The following BCL2L13 variants were observed in gnomAD, a reference collection of about 807,000 sequenced individuals.
BCL2L13 encodes the protein bcl-2-like protein 13.
Under a neutral mutation model 25.8 loss-of-function variants are expected in BCL2L13, and 13 were observed. That is an observed-to-expected ratio of 0.50 (90% CI 0.33 to 0.80). The LOEUF (loss-of-function observed/expected upper bound fraction) is 0.80, where lower values mean the gene tolerates loss of function less well. BCL2L13 is among the 30% of genes least tolerant of loss of function. The probability of loss-of-function intolerance (pLI) is 0.02; values close to 1 mark genes in which losing one functional copy is unlikely to be tolerated. For missense variants in BCL2L13, 504 were observed against 574.9 expected (o/e 0.88, Z 1.26); for synonymous variants, 244 against 230.3 (o/e 1.06, Z -0.54).
chr22:17,680,713 G>A (rs779897415), intron 2 of BCL2L13, among the ~76,000 whole-genome samples: 19 of 151,824 alleles, frequency 1.3e-4, no homozygotes, highest in Non-Finnish European at 2.2e-4. Flanking sequence ...GTGCAGACAC[G>A]GTAAGGAATC....
At chr22:17,658,799 C>T (rs906419415) in intron 2 of BCL2L13, among the ~76,000 whole-genome samples, 4 of 151,782 alleles carry the variant, frequency 2.6e-5, no homozygotes, top group African/African-American at 9.7e-5. Flanking sequence ...TGGCTCACAC[C>T]TGTAATCCCA....
intron 2 of BCL2L13, among the ~76,000 whole-genome samples, chr22:17,671,565 C>A (rs1470597901): frequency 1.4e-5 from 2 of 141,226 alleles, no homozygotes; most frequent in Non-Finnish European, 1.5e-5. Flanking sequence ...GGCTACATCT[C>A]AAAAAAAAAA....
At chr22:17,638,650 G>C (rs2146364256), upstream of BCL2L13, 1 of 1,229,480 alleles carries the variant, frequency 8.1e-7, no homozygotes, top group East Asian at 3.2e-5. Flanking sequence ...AGAGACCTCC[G>C]GGGCCTCCGT....
At chr22:17,693,482 C>A (rs1360717043) in intron 4 of BCL2L13, among the ~76,000 whole-genome samples, 1 of 146,786 alleles carries the variant, frequency 6.8e-6, no homozygotes, top group Non-Finnish European at 1.5e-5. Context: ...CGGGTTCAAG[C>A]AATTCTCCAG....
At chr22:17,705,747 G>A (rs979737560) in intron 6 of BCL2L13, among the ~76,000 whole-genome samples, 5 of 151,924 alleles carry the variant, frequency 3.3e-5, no homozygotes, top group South Asian at 4.2e-4. Context: ...ACATGATATC[G>A]CATGTCTGTT....
At chr22:17,669,740 A>G (rs1193778551) in intron 2 of BCL2L13, among the ~76,000 whole-genome samples, 1 of 152,174 alleles carries the variant, frequency 6.6e-6, no homozygotes, top group Non-Finnish European at 1.5e-5. Context: ...GAGTTATGTG[A>G]GTGGAACCAG....
In BCL2L13 at chr22:17,721,525, A is replaced by AT. The variant is rs3044620; in HGVS notation, c.601-5134dup. On this transcript the variant is annotated intron_variant, in intron 6 of 6. Transcript: ENST00000317582. Reference sequence around the variant, plus strand: ...TTTTAAGTCATGACACTTATAAGAAATTTTTTTTTTTTTTTTTTGAGACGT... The same window carrying AT: ...TTTTAAGTCATGACACTTATAAGAAATTTTTTTTTTTTTTTTTTTGAGACGT... 8.9e-4 allele frequency among the ~76,000 whole-genome samples: 109 copies of AT among 122,772 alleles called. 4 individuals are homozygous for AT. The highest frequency in any genetic ancestry group is 1.7e-3 in the South Asian group (7 of 4,188). The allele number at this position is 122,772 out of a possible 152,430, so 80.5% of individuals were successfully genotyped here. A position where few individuals can be genotyped will look rare whatever the true frequency, so the allele number is the denominator to read the frequency against.
intron 6 of BCL2L13, among the ~76,000 whole-genome samples, chr22:17,705,968 T>C (rs539716719): frequency 1.3e-4 from 20 of 152,264 alleles, no homozygotes; most frequent in African/African-American, 2.9e-4. Flanking sequence ...TTTGGACATA[T>C]AGATTTGAAG....
At chr22:17,715,163 TA>T in intron 6 of BCL2L13, among the ~76,000 whole-genome samples, 1 of 5,508 alleles carries the variant, frequency 1.8e-4, no homozygotes, top group Non-Finnish European at 3.0e-4. Context: ...TATATATATA[TA>T]TATATATTTT....
intron 4 of BCL2L13, among the ~76,000 whole-genome samples, chr22:17,691,865 T>C (rs1040057714): frequency 6.8e-6 from 1 of 147,416 alleles, no homozygotes; most frequent in Non-Finnish European, 1.5e-5. Flanking sequence ...CACAGCAAAT[T>C]CTATTTAAAG....
chr22:17,655,570 A>C, intron 1 of BCL2L13, 92 bp from the exon 2 acceptor site: 1 of 1,045,820 alleles, frequency 9.6e-7, no homozygotes. Flanking sequence ...ACTCTACCTC[A>C]AAAGAGTTGC....
intron 3 of BCL2L13, among the ~76,000 whole-genome samples, chr22:17,683,979 C>T (rs1404752163): frequency 1.3e-5 from 2 of 151,494 alleles, no homozygotes; most frequent in Middle Eastern, 3.2e-3. Flanking sequence ...CTGGCCTGTT[C>T]CCTTGTTATT....
At chr22:17,663,533 A>G (rs565183994) in intron 2 of BCL2L13, among the ~76,000 whole-genome samples, 4 of 152,240 alleles carry the variant, frequency 2.6e-5, no homozygotes, top group South Asian at 2.1e-4. Flanking sequence ...CTTTATCAGT[A>G]TATACAGTTT....
At chr22:17,642,735 GGGCACACACCACCATACCCAGCT>G in intron 1 of BCL2L13, among the ~76,000 whole-genome samples, 1 of 151,726 alleles carries the variant, frequency 6.6e-6, no homozygotes, top group Middle Eastern at 3.4e-3. Context: ...CTGGGATTAT[GGGCACACACCACCATACCCAGCT>G]AATTTTTTTT....
At chr22:17,668,711 T>C (rs899580048) in intron 2 of BCL2L13, among the ~76,000 whole-genome samples, 1 of 151,808 alleles carries the variant, frequency 6.6e-6, no homozygotes, top group Admixed American at 6.6e-5. Context: ...GTGATCCACC[T>C]GCCTTGGCCT....
chr22:17,721,825 T>C (rs887127719), intron 6 of BCL2L13, among the ~76,000 whole-genome samples: 1 of 151,398 alleles, frequency 6.6e-6, no homozygotes, highest in African/African-American at 2.4e-5. Flanking sequence ...CACACCCGGC[T>C]AATTTTTTAT....
intron 2 of BCL2L13, among the ~76,000 whole-genome samples, chr22:17,677,161 T>TA (rs1173544048): frequency 1.4e-5 from 2 of 143,244 alleles, no homozygotes; most frequent in African/African-American, 2.5e-5. Flanking sequence ...TCTCAAAAAA[T>TA]AAAAAAATAA....
intron 4 of BCL2L13, chr22:17,695,853 G>A (rs948863128): frequency 7.5e-6 from 2 of 266,864 alleles, no homozygotes; most frequent in East Asian, 6.3e-5. Flanking sequence ...TTTCTTTGCA[G>A]CATAAAAATC....
upstream of BCL2L13, among the ~76,000 whole-genome samples, chr22:17,635,618 G>T (rs1473057591): frequency 6.6e-6 from 1 of 152,086 alleles, no homozygotes; most frequent in African/African-American, 2.4e-5. Flanking sequence ...ATTAAAAAGG[G>T]AAGGCCAGGA....
Sources: gnomAD v4.1 joint callset for allele counts (sites outside exome capture counted in the v4.1 genomes callset) on GRCh38, gnomAD v4.1.1 for gene constraint, MANE v1.5 for transcripts, NCBI Gene and HGNC (gene_info 2026-07-23, HGNC 2026-07-21) for gene names.